Variants in SPIDR observed in about 807,000 individuals in gnomAD.
SPIDR encodes the protein DNA repair-scaffolding protein.
SPIDR carries 93 observed loss-of-function variants against 104.6 expected under a neutral mutation model. That is an observed-to-expected ratio of 0.89 (90% CI 0.75 to 1.06). The LOEUF is 1.06. Among genes scored for constraint, SPIDR ranks in the 50% least tolerant of loss-of-function variants. The pLI is 0.00. For synonymous variants in SPIDR, 431 were observed against 416.9 expected (o/e 1.03, Z -0.41); for missense variants, 1,154 against 1,111.2 (o/e 1.04, Z -0.55).
intron 1 of SPIDR, among the ~76,000 whole-genome samples, chr8:47,278,497 A>T (rs1327038981): frequency 1.3e-5 from 2 of 151,730 alleles, no homozygotes; most frequent in Non-Finnish European, 2.9e-5. Flanking sequence ...TTCTAAAAAA[A>T]ATTTGTAGAC....
intron 8 of SPIDR, among the ~76,000 whole-genome samples, chr8:47,445,107 CCT>C (rs1362408139): frequency 1.3e-5 from 2 of 152,096 alleles, no homozygotes; most frequent in Non-Finnish European, 2.9e-5. Context: ...ATATAGCCCA[CCT>C]TATTTTACTA....
Position 47,701,875 on chromosome 8 carries a change from T to C in SPIDR, c.1917+11T>C. On this transcript the variant is annotated intron_variant, in intron 13 of 19. Coordinates refer to ENST00000297423, the MANE Select transcript of SPIDR (RefSeq NM_001080394.4). The stretch of plus-strand genomic sequence containing the variant: ...AGAGACATTCTCCAGGTAATGTCTT[T>C]GTTTCTAACAGGTTTTTTAGGTATT... 6.2e-7 allele frequency: 1 copy of C among 1,614,186 alleles called. No individual in the cohort carries two copies. Among genetic ancestry groups the C allele is most frequent in the Non-Finnish European group, 8.5e-7 (1 of 1,180,038 alleles).
intron 6 of SPIDR, among the ~76,000 whole-genome samples, chr8:47,405,288 GCA>G (rs1296660437): frequency 9.8e-5 from 14 of 143,566 alleles, no homozygotes; most frequent in African/African-American, 3.8e-4. Flanking sequence ...CACCAACATG[GCA>G]CGTGTGTGTG....
At chr8:47,477,838 T>C (rs2076453501) in intron 8 of SPIDR, among the ~76,000 whole-genome samples, 1 of 151,902 alleles carries the variant, frequency 6.6e-6, no homozygotes, top group South Asian at 2.1e-4. Context: ...CCACACAGGG[T>C]GCAGGGGGAG....
intron 5 of SPIDR, among the ~76,000 whole-genome samples, chr8:47,393,938 T>C (rs2060943281): frequency 6.7e-6 from 1 of 148,582 alleles, no homozygotes; most frequent in African/African-American, 2.5e-5. Flanking sequence ...TTCTTCTCAC[T>C]CTGTCACCCA....
chr8:47,274,485 C>A (rs901482223), intron 1 of SPIDR, among the ~76,000 whole-genome samples: 9 of 152,088 alleles, frequency 5.9e-5, no homozygotes, highest in Non-Finnish European at 1.0e-4. Context: ...TTGTAAAGTT[C>A]CTGCACGTTT....
intron 11 of SPIDR, among the ~76,000 whole-genome samples, chr8:47,697,395 A>G (rs1487037121): frequency 1.3e-5 from 2 of 152,236 alleles, no homozygotes; most frequent in Non-Finnish European, 2.9e-5. Context: ...AATTTTAACC[A>G]TTTTAAGTAT....
At chr8:47,563,043 T>A (rs2154402076) in intron 8 of SPIDR, among the ~76,000 whole-genome samples, 1 of 152,050 alleles carries the variant, frequency 6.6e-6, no homozygotes. Context: ...TTCTCTTTTT[T>A]TTTTTTTTTT....
intron 7 of SPIDR, among the ~76,000 whole-genome samples, chr8:47,431,061 A>G (rs1181249841): frequency 1.3e-5 from 2 of 152,204 alleles, no homozygotes; most frequent in African/African-American, 4.8e-5. Flanking sequence ...CGTAAAGAGC[A>G]GACAGTTCTT....
At chr8:47,627,017 A>G (rs1288686037) in intron 10 of SPIDR, among the ~76,000 whole-genome samples, 1 of 152,250 alleles carries the variant, frequency 6.6e-6, no homozygotes, top group Non-Finnish European at 1.5e-5. Flanking sequence ...GACTGGATTA[A>G]GCAAATGTGG....
intron 7 of SPIDR, among the ~76,000 whole-genome samples, chr8:47,417,217 G>C (rs2064505403): frequency 6.6e-6 from 1 of 152,192 alleles, no homozygotes; most frequent in African/African-American, 2.4e-5. Context: ...CTTCCACAAT[G>C]ATTGAACTAG....
At chr8:47,516,704 C>T (rs1282955482) in intron 8 of SPIDR, among the ~76,000 whole-genome samples, 3 of 152,038 alleles carry the variant, frequency 2.0e-5, no homozygotes, top group African/African-American at 4.8e-5. Context: ...TTTGTTTTCA[C>T]TTCTTGACTA....
intron 8 of SPIDR, among the ~76,000 whole-genome samples, chr8:47,528,772 T>G (rs1462391000): frequency 2.1e-5 from 3 of 140,610 alleles, no homozygotes; most frequent in African/African-American, 7.9e-5. Flanking sequence ...GAAAAAAGAG[T>G]GAAAAAAAAA....
chr8:47,455,574 A>G (rs2072797442), intron 8 of SPIDR, among the ~76,000 whole-genome samples: 1 of 152,142 alleles, frequency 6.6e-6, no homozygotes, highest in Non-Finnish European at 1.5e-5. Context: ...AAAAGGTAGC[A>G]ATTGGTAGAA....
chr8:47,397,065 CAG>C (rs1247770385), intron 6 of SPIDR, among the ~76,000 whole-genome samples: 1 of 152,132 alleles, frequency 6.6e-6, no homozygotes, highest in Non-Finnish European at 1.5e-5. Flanking sequence ...CAGTGTCAGT[CAG>C]GGGCTGGGCT....
chr8:47,424,926 G>A (rs1000942949), intron 7 of SPIDR, among the ~76,000 whole-genome samples: 4 of 151,928 alleles, frequency 2.6e-5, no homozygotes, highest in Non-Finnish European at 5.9e-5. Flanking sequence ...AGCCTGCCTC[G>A]GCCTCCCAAA....
At chr8:47,524,772 G>T (rs2084721846) in intron 8 of SPIDR, among the ~76,000 whole-genome samples, 1 of 152,206 alleles carries the variant, frequency 6.6e-6, no homozygotes, top group African/African-American at 2.4e-5. Flanking sequence ...GGAATTGGGA[G>T]AACTAAGTAA....
intron 8 of SPIDR, among the ~76,000 whole-genome samples, chr8:47,567,283 G>A (rs1033220354): frequency 2.6e-5 from 4 of 151,418 alleles, no homozygotes; most frequent in East Asian, 1.9e-4. Flanking sequence ...GCAATGGTGC[G>A]ATCTCGGCTC....
intron 7 of SPIDR, among the ~76,000 whole-genome samples, chr8:47,425,837 T>C (rs1330082848): frequency 1.3e-5 from 2 of 152,140 alleles, no homozygotes; most frequent in Admixed American, 6.5e-5. Context: ...CATGTTAATA[T>C]TTGCTTTTAT....
Sources: allele counts gnomAD v4.1 joint callset (sites outside exome capture counted in the v4.1 genomes callset), GRCh38; gene constraint gnomAD v4.1.1; transcripts MANE v1.5; gene names NCBI Gene and HGNC (gene_info 2026-07-23, HGNC 2026-07-21).